The following AKAP6 variants were observed in gnomAD, a reference collection of about 807,000 sequenced individuals.
AKAP6 encodes A-kinase anchor protein 6.
A neutral mutation model predicts 188.5 loss-of-function variants in AKAP6; 58 were observed. That is an observed-to-expected ratio of 0.31 (90% CI 0.25 to 0.38). The LOEUF is 0.38. Ranked by LOEUF, AKAP6 falls within the 10% of genes least tolerant of loss-of-function variation. The pLI, the probability that AKAP6 is intolerant of heterozygous loss-of-function variation, is 1.00. For missense variants in AKAP6, 2,710 were observed against 2,740.0 expected (o/e 0.99, Z 0.24); for synonymous variants, 989 against 998.6 (o/e 0.99, Z 0.18).
chr14:32,463,949 G>A (rs919267091), intron 2 of AKAP6, among the ~76,000 whole-genome samples: 4 of 152,174 alleles, frequency 2.6e-5, no homozygotes, highest in Admixed American at 2.6e-4. Context: ...ACTACCATCA[G>A]AGAATACTAT....
intron 12 of AKAP6, among the ~76,000 whole-genome samples, chr14:32,786,215 C>T (rs1274984963): frequency 1.3e-5 from 2 of 150,470 alleles, no homozygotes; most frequent in African/African-American, 4.9e-5. Flanking sequence ...CATGTTCGCT[C>T]TGAGGACAGA....
chr14:32,451,562 AT>A (rs1190544110), intron 2 of AKAP6, among the ~76,000 whole-genome samples: 1 of 152,246 alleles, frequency 6.6e-6, no homozygotes, highest in African/African-American at 2.4e-5. Context: ...AGCTTTTTAG[AT>A]AAAGCTGTCG....
chr14:32,370,228 A>G (rs1373284823), intron 1 of AKAP6, among the ~76,000 whole-genome samples: 1 of 152,210 alleles, frequency 6.6e-6, no homozygotes, highest in Non-Finnish European at 1.5e-5. Context: ...AAATTAGCAC[A>G]AACCAGAAAC....
At chr14:32,334,362 C>T (rs1203995688) in intron 1 of AKAP6, among the ~76,000 whole-genome samples, 5 of 152,154 alleles carry the variant, frequency 3.3e-5, no homozygotes, top group African/African-American at 9.7e-5. Context: ...TCCAGCATAT[C>T]CATGCTGTAT....
intron 1 of AKAP6, among the ~76,000 whole-genome samples, chr14:32,347,425 C>T (rs560947322): frequency 6.6e-6 from 1 of 152,260 alleles, no homozygotes; most frequent in African/African-American, 2.4e-5. Context: ...GTATTGTTGC[C>T]TGACACACAC....
intron 12 of AKAP6, among the ~76,000 whole-genome samples, chr14:32,804,086 A>T (rs1456596435): frequency 1.3e-5 from 2 of 152,218 alleles, no homozygotes; most frequent in African/African-American, 4.8e-5. Context: ...GTTAATACCT[A>T]TAAAGTGCTT....
intron 8 of AKAP6, among the ~76,000 whole-genome samples, chr14:32,692,643 G>T (rs1950698): frequency 0.11 from 17,403 of 152,116 alleles, 1,079 homozygotes; most frequent in Admixed American, 0.15. Context: ...CTTTTCTGAA[G>T]TCATTCTTGC....
chr14:32,665,812 A>G (rs1340103369), intron 7 of AKAP6, among the ~76,000 whole-genome samples: 2 of 152,170 alleles, frequency 1.3e-5, no homozygotes, highest in Admixed American at 1.3e-4. Flanking sequence ...GAAAACCAGT[A>G]TATATCATAA....
intron 2 of AKAP6, among the ~76,000 whole-genome samples, chr14:32,458,365 T>G (rs1891214135): frequency 6.6e-6 from 1 of 152,166 alleles, no homozygotes. Flanking sequence ...GGATAAATAC[T>G]GACTTCAAAA....
intron 7 of AKAP6, among the ~76,000 whole-genome samples, chr14:32,614,166 T>C (rs1203289810): frequency 1.3e-5 from 2 of 152,206 alleles, no homozygotes; most frequent in African/African-American, 4.8e-5. Context: ...TTCTAAGTGT[T>C]CTTCCTTGTT....
At chr14:32,681,674 C>CA (rs1310937431) in intron 8 of AKAP6, among the ~76,000 whole-genome samples, 5 of 132,284 alleles carry the variant, frequency 3.8e-5, no homozygotes, top group African/African-American at 1.2e-4. Context: ...ATTAATTTGA[C>CA]AAATTTTTTT....
intron 1 of AKAP6, among the ~76,000 whole-genome samples, chr14:32,414,799 A>T (rs1889604105): frequency 6.6e-6 from 1 of 152,164 alleles, no homozygotes; most frequent in Non-Finnish European, 1.5e-5. Context: ...ATCAAACCTA[A>T]ACTTTTGGGC....
intron 9 of AKAP6, among the ~76,000 whole-genome samples, chr14:32,730,148 A>C (rs2031102116): frequency 6.6e-6 from 1 of 152,186 alleles, no homozygotes; most frequent in Non-Finnish European, 1.5e-5. Flanking sequence ...TGCTTCAAAA[A>C]TTAAAATAAA....
At chr14:32,424,577 T>C (rs907440924) in intron 1 of AKAP6, among the ~76,000 whole-genome samples, 29 of 152,164 alleles carry the variant, frequency 1.9e-4, no homozygotes, top group African/African-American at 6.0e-4. Flanking sequence ...TTGGGGTTTG[T>C]TGTACAGATT....
At chr14:32,451,889 A>C (rs1448733907) in intron 2 of AKAP6, among the ~76,000 whole-genome samples, 2 of 151,912 alleles carry the variant, frequency 1.3e-5, no homozygotes, top group Non-Finnish European at 2.9e-5. Context: ...GTGCTGATTG[A>C]TGTCTTAACC....
intron 5 of AKAP6, among the ~76,000 whole-genome samples, chr14:32,586,049 A>G (rs1885229617): frequency 6.6e-6 from 1 of 152,294 alleles, no homozygotes; most frequent in East Asian, 1.9e-4. Flanking sequence ...TGATGGGGGT[A>G]GGGTCAGCCT....
intron 7 of AKAP6, among the ~76,000 whole-genome samples, chr14:32,601,785 T>C (rs923118483): frequency 6.6e-6 from 1 of 152,214 alleles, no homozygotes; most frequent in Admixed American, 6.5e-5. Context: ...GTTAAACAAA[T>C]ACTTTGCCCT....
At chr14:32,374,680 T>C (rs1247550670) in intron 1 of AKAP6, among the ~76,000 whole-genome samples, 1 of 152,218 alleles carries the variant, frequency 6.6e-6, no homozygotes, top group Non-Finnish European at 1.5e-5. Context: ...GTATAGATTT[T>C]ATTTTTAAAT....
rs746979453 is a variant in AKAP6, at chr14:32,821,846, T to G, written c.4033T>G (p.Leu1345Val). Reference protein sequence around the residue: ...SLPDLLGGSNLVKPCACHGGD... With the variant: ...SLPDLLGGSNVVKPCACHGGD... ...GCCAGATCTTCTAGGTGGTTCCAAT[T>G]TGGTAAAGCCCTGCGCATGTCATGG... is the stretch of plus-strand genomic sequence containing the variant. The change falls in exon 13 of 14, where the codon TTG becomes GTG. Residue 1345 changes from leucine to valine, a missense_variant. Coordinates refer to ENST00000280979, the MANE Select transcript of AKAP6 (RefSeq NM_004274.5). The G allele has an allele frequency of 2.5e-6, 4 of 1,613,898 alleles. No homozygotes were observed. Among genetic ancestry groups the G allele is most frequent in the East Asian group, 2.2e-5 (1 of 44,872 alleles).
Sources: allele counts gnomAD v4.1 joint callset (sites outside exome capture counted in the v4.1 genomes callset), GRCh38; gene constraint gnomAD v4.1.1; transcripts MANE v1.5; gene names NCBI Gene and HGNC (gene_info 2026-07-23, HGNC 2026-07-21).